The following PCDH9 variants were observed in gnomAD, a reference collection of about 807,000 sequenced individuals.
PCDH9 encodes the protein protocadherin-9.
Under a neutral mutation model 70.6 loss-of-function variants are expected in PCDH9, and 24 were observed. That is an observed-to-expected ratio of 0.34 (90% CI 0.25 to 0.48). The LOEUF (loss-of-function observed/expected upper bound fraction) is 0.48. Ranked by LOEUF, PCDH9 falls within the 20% of genes least tolerant of loss-of-function variation. The pLI, the probability that PCDH9 is intolerant of heterozygous loss-of-function variation, is 0.99. For synonymous variants in PCDH9, 562 were observed against 558.5 expected, an observed-to-expected ratio of 1.01 and a Z score of -0.09; for missense variants, 1,281 against 1,503.6, an observed-to-expected ratio of 0.85 and a Z score of 2.45.
intron 4 of PCDH9, among the ~76,000 whole-genome samples, chr13:66,571,618 G>A (rs2076734223): frequency 1.3e-5 from 2 of 151,980 alleles, no homozygotes; most frequent in Admixed American, 6.6e-5. Flanking sequence ...TCGCTTGATA[G>A]TTCAACGGCT....
intron 2 of PCDH9, among the ~76,000 whole-genome samples, chr13:67,047,955 TA>T (rs1408745630): frequency 3.3e-5 from 5 of 152,134 alleles, no homozygotes; most frequent in South Asian, 2.1e-4. Flanking sequence ...AAAATCAATT[TA>T]GGGGGATTAA....
At chr13:66,452,063 T>C (rs1333866859) in intron 4 of PCDH9, among the ~76,000 whole-genome samples, 2 of 152,164 alleles carry the variant, frequency 1.3e-5, no homozygotes, top group East Asian at 3.8e-4. Flanking sequence ...GATAATCCTA[T>C]GAAGTATGTG....
At chr13:67,102,305 T>C (rs2086450472) in intron 2 of PCDH9, among the ~76,000 whole-genome samples, 1 of 152,124 alleles carries the variant, frequency 6.6e-6, no homozygotes. Context: ...CCTGTGTTTA[T>C]GGTCTTGCAA....
intron 4 of PCDH9, among the ~76,000 whole-genome samples, chr13:66,493,681 T>C (rs1337169517): frequency 1.3e-5 from 2 of 152,162 alleles, no homozygotes; most frequent in East Asian, 1.9e-4. Context: ...ATGGAAACTA[T>C]GTACTCATTC....
intron 2 of PCDH9, among the ~76,000 whole-genome samples, chr13:66,918,334 G>A (rs1041477120): frequency 2.3e-4 from 35 of 151,100 alleles, no homozygotes; most frequent in Admixed American, 2.1e-3. Flanking sequence ...TGGTTTCCAC[G>A]AGATCGCTAT....
chr13:66,862,601 T>G (rs961554424), intron 3 of PCDH9, among the ~76,000 whole-genome samples: 1 of 152,226 alleles, frequency 6.6e-6, no homozygotes, highest in Non-Finnish European at 1.5e-5. Flanking sequence ...TTTTGCTAGT[T>G]TTATAGTAGT....
At chr13:66,331,746 G>A (rs536945906) in intron 4 of PCDH9, among the ~76,000 whole-genome samples, 14 of 152,268 alleles carry the variant, frequency 9.2e-5, no homozygotes, top group African/African-American at 3.1e-4. Flanking sequence ...CACTTTAGTG[G>A]CAATAAATGA....
intron 2 of PCDH9, among the ~76,000 whole-genome samples, chr13:67,023,182 G>C (rs9529170): frequency 0.69 from 103,960 of 150,754 alleles, 37,267 homozygotes; most frequent in East Asian, 0.97. Flanking sequence ...TCATAGCTTT[G>C]AGCCGTTCTT....
At chr13:67,100,765 T>C (rs1201085453) in intron 2 of PCDH9, among the ~76,000 whole-genome samples, 1 of 152,240 alleles carries the variant, frequency 6.6e-6, no homozygotes, top group Non-Finnish European at 1.5e-5. Flanking sequence ...CCTTGGTTGC[T>C]TGCAAATTGC....
At chr13:67,185,199 C>T (rs1327724071) in intron 2 of PCDH9, among the ~76,000 whole-genome samples, 1 of 152,174 alleles carries the variant, frequency 6.6e-6, no homozygotes. Context: ...GTTATATTCT[C>T]ATGTTATACT....
At chr13:66,868,351 C>A (rs189368044) in intron 3 of PCDH9, among the ~76,000 whole-genome samples, 3 of 142,936 alleles carry the variant, frequency 2.1e-5, no homozygotes, top group African/African-American at 7.3e-5. Context: ...GTTTTCAAGT[C>A]ATCATCAAAT....
At chr13:66,678,170 TG>T (rs1417409256) in intron 3 of PCDH9, among the ~76,000 whole-genome samples, 1 of 152,162 alleles carries the variant, frequency 6.6e-6, no homozygotes, top group East Asian at 1.9e-4. Context: ...CACCTATTCC[TG>T]ATGTTACTGT....
At chr13:67,054,072 C>A (rs530309159) in intron 2 of PCDH9, among the ~76,000 whole-genome samples, 1 of 152,252 alleles carries the variant, frequency 6.6e-6, no homozygotes, top group East Asian at 1.9e-4. Flanking sequence ...GGAAAACCAA[C>A]AACCCAATGT....
intron 2 of PCDH9, among the ~76,000 whole-genome samples, chr13:67,026,943 C>T (rs367884160): frequency 2.9e-4 from 44 of 152,176 alleles, no homozygotes; most frequent in South Asian, 2.7e-3. Flanking sequence ...GAACATTCCA[C>T]GCTCATGGGT....
At chr13:66,697,278 C>T (rs866287983) in intron 3 of PCDH9, among the ~76,000 whole-genome samples, 17 of 151,810 alleles carry the variant, frequency 1.1e-4, no homozygotes, top group Non-Finnish European at 2.4e-4. Flanking sequence ...AAATTTATTT[C>T]TCCCCCCCCA....
At chr13:67,132,942 C>A (rs897509435) in intron 2 of PCDH9, among the ~76,000 whole-genome samples, 3 of 152,040 alleles carry the variant, frequency 2.0e-5, no homozygotes, top group Non-Finnish European at 4.4e-5. Context: ...TTCTGAATTC[C>A]TGAAATACTC....
chr13:66,724,994 T>G (rs185782154), intron 3 of PCDH9, among the ~76,000 whole-genome samples: 38 of 152,268 alleles, frequency 2.5e-4, no homozygotes, highest in Middle Eastern at 3.4e-3. Context: ...CAATATCATA[T>G]CTCTAGCCCA....
At chr13:66,900,088 T>A (rs1257718533) in intron 3 of PCDH9, among the ~76,000 whole-genome samples, 2 of 151,870 alleles carry the variant, frequency 1.3e-5, no homozygotes, top group Admixed American at 1.3e-4. Context: ...GCATAGGTAA[T>A]CTCTGGTCTC....
At chr13:66,788,233 G>T (rs1221695087) in intron 3 of PCDH9, among the ~76,000 whole-genome samples, 3 of 152,108 alleles carry the variant, frequency 2.0e-5, no homozygotes, top group Non-Finnish European at 4.4e-5. Flanking sequence ...TCTTCCTTAA[G>T]CCCTTTTTAT....
Sources: allele counts gnomAD v4.1 joint callset (sites outside exome capture counted in the v4.1 genomes callset), GRCh38; gene constraint gnomAD v4.1.1; transcripts MANE v1.5; gene names NCBI Gene and HGNC (gene_info 2026-07-23, HGNC 2026-07-21).